RGL1: variants seen among roughly 807,000 people sequenced by gnomAD.
RGL1 encodes the protein ral guanine nucleotide dissociation stimulator like 1.
A neutral mutation model predicts 95.2 loss-of-function variants in RGL1; 24 were observed. That is an observed-to-expected ratio of 0.25 (90% CI 0.18 to 0.35). The LOEUF (loss-of-function observed/expected upper bound fraction) is 0.35, where lower values mean the gene tolerates loss of function less well. RGL1 is among the 10% of genes least tolerant of loss of function. RGL1 has a pLI of 1.00. For synonymous variants in RGL1, 329 were observed against 344.9 expected (o/e 0.95, Z 0.51); for missense variants, 715 against 936.3 (o/e 0.76, Z 3.08).
intron 1 of RGL1, among the ~76,000 whole-genome samples, chr1:183,718,760 A>G (rs1655798917): frequency 6.6e-6 from 1 of 152,068 alleles, no homozygotes; most frequent in African/African-American, 2.4e-5. Flanking sequence ...TACTAAAAAA[A>G]AAACTACCCG....
intron 1 of RGL1, among the ~76,000 whole-genome samples, chr1:183,707,022 AT>A (rs1404194583): frequency 6.6e-6 from 1 of 152,054 alleles, no homozygotes; most frequent in Admixed American, 6.6e-5. Flanking sequence ...ACCTTGGGTG[AT>A]TTCTGAAAGC....
upstream of RGL1, among the ~76,000 whole-genome samples, chr1:183,803,521 A>G (rs1316947215): frequency 6.6e-6 from 1 of 152,224 alleles, no homozygotes; most frequent in Non-Finnish European, 1.5e-5. Context: ...GAATTGGAGT[A>G]CAGAGAAAGG....
At chr1:183,889,405 A>T (rs546291071) in intron 8 of RGL1, among the ~76,000 whole-genome samples, 1 of 152,194 alleles carries the variant, frequency 6.6e-6, no homozygotes, top group Non-Finnish European at 1.5e-5. Context: ...TGTATGGTCT[A>T]TACCACATGT....
At chr1:183,747,679 G>A (rs1657727719) in intron 2 of RGL1, among the ~76,000 whole-genome samples, 1 of 152,172 alleles carries the variant, frequency 6.6e-6, no homozygotes, top group African/African-American at 2.4e-5. Context: ...TTCCAGGGAT[G>A]AAGCCAACTT....
chr1:183,875,957 A>AGAT (rs978566750), intron 4 of RGL1, among the ~76,000 whole-genome samples: 1 of 151,736 alleles, frequency 6.6e-6, no homozygotes, highest in African/African-American at 2.4e-5. Flanking sequence ...TTAGTTTAAC[A>AGAT]GATCTTTAAG....
At position 183,912,213 on chromosome 1, in the gene RGL1, A is replaced by T. The variant is rs757254257; in HGVS notation, c.1694A>T (p.Glu565Val). 1.2e-6 allele frequency: 2 copies of T among 1,614,116 alleles called. No individual in the cohort carries two copies. The highest frequency in any genetic ancestry group is 1.7e-6 in the Non-Finnish European group (2 of 1,180,010). The change falls in exon 15 of 18, where the codon GAG becomes GTG. Residue 565 changes from glutamate (E) to valine (V), a missense_variant. Glu to Val is a moderately radical substitution (Grantham distance 121). Around this residue, in one of 3 missense-constraint regions of RGL1, gnomAD observed 330 missense variants for 429.6 expected, o/e 0.77. Coordinates refer to ENST00000360851, the MANE Select transcript of RGL1 (RefSeq NM_001297671.3). Reference sequence around the variant, plus strand: ...TCATCCTGCGAGTCGAACCACTCAGAGGCTGAGGAGGGCTCCATTACTCCC... The same window carrying T: ...TCATCCTGCGAGTCGAACCACTCAGTGGCTGAGGAGGGCTCCATTACTCCC... ...SVSSCESNHS[E>V]AEEGSITPMD...
At chr1:183,798,353 C>G (rs1353314580) in intron 2 of RGL1, among the ~76,000 whole-genome samples, 8 of 151,968 alleles carry the variant, frequency 5.3e-5, no homozygotes, top group African/African-American at 1.7e-4. Flanking sequence ...TAAAAAACAA[C>G]TTTATTGAGG....
rs6702583 is a variant in RGL1, at chr1:183,899,396, C to T, written c.1231-754C>T. 5.4e-3 allele frequency among the ~76,000 whole-genome samples: 828 copies of T among 152,228 alleles called. 8 individuals carry two copies. The highest frequency in any genetic ancestry group is 0.012 in the African/African-American group (501 of 41,532). ...GTGTTTTCTTGACTGTTTTTTATGA[C>T]CTTGGTTGTCTTAAGGGGTCTATCC... is the stretch of plus-strand genomic sequence containing the variant. On this transcript the variant is annotated intron_variant, in intron 10 of 17. Transcript: ENST00000360851.
At chr1:183,678,642 G>A (rs1174680) in intron 1 of RGL1, among the ~76,000 whole-genome samples, 57,670 of 150,586 alleles carry the variant, frequency 0.38, 11,129 homozygotes, top group Middle Eastern at 0.44. Flanking sequence ...TTCCTCTGTC[G>A]CCAGGCTGGA....
At chr1:183,641,053 A>G (rs560010508) in intron 1 of RGL1, among the ~76,000 whole-genome samples, 4 of 152,366 alleles carry the variant, frequency 2.6e-5, no homozygotes, top group African/African-American at 7.2e-5. Context: ...TTTCTAGAAT[A>G]AACTCTATTT....
chr1:183,820,887 A>G (rs1416946815), intron 2 of RGL1, among the ~76,000 whole-genome samples: 1 of 152,054 alleles, frequency 6.6e-6, no homozygotes, highest in Non-Finnish European at 1.5e-5. Context: ...TTGGGATTAC[A>G]TACACCAGGC....
At chr1:183,689,205 A>ATATT (rs1480947733) in intron 1 of RGL1, among the ~76,000 whole-genome samples, 2 of 152,198 alleles carry the variant, frequency 1.3e-5, no homozygotes, top group Non-Finnish European at 2.9e-5. Flanking sequence ...TTTGAAATTC[A>ATATT]TATTTGCTAG....
At chr1:183,852,022 A>G (rs1664855696) in intron 3 of RGL1, among the ~76,000 whole-genome samples, 1 of 152,126 alleles carries the variant, frequency 6.6e-6, no homozygotes, top group South Asian at 2.1e-4. Flanking sequence ...TGGTTTCTTA[A>G]TAGTAGTTTG....
chr1:183,802,575 A>T (rs1445974050), upstream of RGL1, among the ~76,000 whole-genome samples: 4 of 125,098 alleles, frequency 3.2e-5, no homozygotes, highest in African/African-American at 1.2e-4. Context: ...TAAACACGGG[A>T]TGTCTTTCTA....
At chr1:183,711,428 C>CCCACCCA (rs1655257591) in intron 1 of RGL1, among the ~76,000 whole-genome samples, 1 of 152,172 alleles carries the variant, frequency 6.6e-6, no homozygotes, top group African/African-American at 2.4e-5. Flanking sequence ...CTCCAACTCT[C>CCCACCCA]CCACCCACCA....
intron 2 of RGL1, among the ~76,000 whole-genome samples, chr1:183,781,883 G>T (rs1659922496): frequency 6.6e-6 from 1 of 152,128 alleles, no homozygotes; most frequent in African/African-American, 2.4e-5. Context: ...GCTCTAAAAA[G>T]GTTATGCCCA....
chr1:183,723,388 A>C (rs531832694), intron 1 of RGL1, among the ~76,000 whole-genome samples: 1 of 152,236 alleles, frequency 6.6e-6, no homozygotes, highest in Admixed American at 6.5e-5. Context: ...TTTTAACTTC[A>C]TGTCACTGAA....
At chr1:183,662,240 G>A (rs1275458485) in intron 1 of RGL1, among the ~76,000 whole-genome samples, 2 of 150,928 alleles carry the variant, frequency 1.3e-5, no homozygotes, top group African/African-American at 2.5e-5. Context: ...GAAATAAAGG[G>A]TATTCAATTA....
chr1:183,693,991 C>T (rs188110897), intron 1 of RGL1, among the ~76,000 whole-genome samples: 19 of 152,284 alleles, frequency 1.2e-4, no homozygotes, highest in African/African-American at 4.6e-4. Context: ...AATCAGTCTC[C>T]TAGAAATTGT....
Sources: allele counts gnomAD v4.1 joint callset (sites outside exome capture counted in the v4.1 genomes callset), GRCh38; gene constraint gnomAD v4.1.1; regional missense constraint gnomAD v4.1.1; transcripts MANE v1.5; gene names NCBI Gene and HGNC (gene_info 2026-07-23, HGNC 2026-07-21).